The following SLCO5A1 variants were observed in gnomAD, a reference collection of about 807,000 sequenced individuals.
SLCO5A1 encodes organic anion transporter polypeptide-related protein 4.
A neutral mutation model predicts 65.1 loss-of-function variants in SLCO5A1; 39 were observed. That is an observed-to-expected ratio of 0.60 (90% CI 0.46 to 0.78). The LOEUF is 0.78. Ranked by LOEUF, SLCO5A1 falls within the 30% of genes least tolerant of loss-of-function variation. The probability of loss-of-function intolerance (pLI) is 0.00; values close to 1 mark genes in which losing one functional copy is unlikely to be tolerated. For missense variants in SLCO5A1, 1,029 were observed against 1,069.4 expected, an observed-to-expected ratio of 0.96 and a Z score of 0.53; for synonymous variants, 438 against 415.7, an observed-to-expected ratio of 1.05 and a Z score of -0.65.
At chr8:69,811,354 T>C (rs1263834471) in intron 2 of SLCO5A1, among the ~76,000 whole-genome samples, 1 of 152,206 alleles carries the variant, frequency 6.6e-6, no homozygotes. Context: ...GAGGAAGCTA[T>C]TTATAACCTG....
At position 69,673,077 on chromosome 8, in the gene SLCO5A1, AC is replaced by A. The variant is rs1813396838; in HGVS notation, c.2338del (p.Val780Ter). ...GTCGGGGTGTCCCACTCTCTCACTC[AC>A]GGTGCTCAGGGGAAATTCTCTCTGC... is the stretch of plus-strand genomic sequence containing the variant. ...RRQREFPLST[V>X]SERVGHPDNA... is the part of the protein sequence containing the mutation. On this transcript the variant is annotated frameshift_variant, in exon 10 of 10. Transcript: ENST00000260126. LOFTEE classifies it high-confidence loss of function. 1 of 1,614,038 alleles carries A rather than the reference AC, an allele frequency of 6.2e-7. No homozygotes were observed. Among genetic ancestry groups the A allele is most frequent in the Non-Finnish European group, 8.5e-7 (1 of 1,180,048 alleles).
At chr8:69,754,245 G>A (rs1244751245) in intron 4 of SLCO5A1, among the ~76,000 whole-genome samples, 1 of 152,088 alleles carries the variant, frequency 6.6e-6, no homozygotes, top group Non-Finnish European at 1.5e-5. Context: ...TTCCAAAAGT[G>A]CACACTGTCA....
chr8:69,677,350 A>G (rs1040869632), intron 8 of SLCO5A1, among the ~76,000 whole-genome samples: 1 of 152,220 alleles, frequency 6.6e-6, no homozygotes, highest in African/African-American at 2.4e-5. Context: ...TTAGAAGCCA[A>G]CTGGCGATTT....
At chr8:69,705,312 T>A in intron 5 of SLCO5A1, 83 bp from the exon 6 acceptor site, 1 of 1,360,578 alleles carries the variant, frequency 7.3e-7, no homozygotes, top group Non-Finnish European at 1.0e-6. Context: ...TGCTCAGTAG[T>A]ACTGAGGTAA....
intron 5 of SLCO5A1, among the ~76,000 whole-genome samples, chr8:69,711,686 G>A (rs1174596717): frequency 6.6e-6 from 1 of 152,204 alleles, no homozygotes; most frequent in Non-Finnish European, 1.5e-5. Context: ...CTTACAAGCT[G>A]CATGTCTTCA....
chr8:69,742,541 T>C (rs1816829463), intron 4 of SLCO5A1, among the ~76,000 whole-genome samples: 1 of 152,178 alleles, frequency 6.6e-6, no homozygotes, highest in African/African-American at 2.4e-5. Flanking sequence ...TTCAAGAGGT[T>C]ATAATTTAAG....
At position 69,831,742 on chromosome 8, in the gene SLCO5A1, A is replaced by G. The variant is rs762798257; in HGVS notation, c.907+25T>C. 13 of 1,595,198 alleles carry G rather than the reference A, an allele frequency of 8.1e-6. No homozygotes were observed. In the South Asian group the frequency reaches 1.3e-4, roughly 15 times the overall value. On this transcript the variant is annotated intron_variant, in intron 2 of 9. Coordinates refer to ENST00000260126, the MANE Select transcript of SLCO5A1 (RefSeq NM_030958.3). ...GTAAGTTTCAGTGTGAGTGAAACATATCTGAGAGAACAGGAAAGTCTTACC... is the reference window on the plus strand; with the variant it reads ...GTAAGTTTCAGTGTGAGTGAAACATGTCTGAGAGAACAGGAAAGTCTTACC...
chr8:69,679,407 G>C lies in SLCO5A1; in HGVS notation c.1995C>G (p.Ala665=). 1 of 1,614,164 alleles carries C rather than the reference G, an allele frequency of 6.2e-7. No homozygotes were observed. The highest frequency in any genetic ancestry group is 8.5e-7 in the Non-Finnish European group (1 of 1,180,038). ...GTGTTACTATGATAGCTGATGGTTG[G>C]GCACATGCTGTGATGAAGGTGACTA... ...LFIVTFITAC[A]QPSAIIVTLR... The change falls in exon 8 of 10, where the codon GCC becomes GCG. Residue 665 remains alanine, a synonymous_variant. Transcript: ENST00000260126.
intron 2 of SLCO5A1, among the ~76,000 whole-genome samples, chr8:69,827,798 A>G (rs1246022907): frequency 6.6e-6 from 1 of 152,234 alleles, no homozygotes; most frequent in Non-Finnish European, 1.5e-5. Flanking sequence ...TAAGGATATA[A>G]TAGTCTCTAA....
intron 5 of SLCO5A1, among the ~76,000 whole-genome samples, chr8:69,720,323 C>T (rs1046790277): frequency 2.0e-5 from 3 of 152,334 alleles, no homozygotes; most frequent in African/African-American, 7.2e-5. Flanking sequence ...CAACCACGGG[C>T]TTCTTTAATG....
chr8:69,729,183 G>T (rs1816222669), intron 5 of SLCO5A1, among the ~76,000 whole-genome samples: 1 of 152,128 alleles, frequency 6.6e-6, no homozygotes, highest in African/African-American at 2.4e-5. Context: ...AGTGGCTCAC[G>T]CCTGTAATCC....
intron 4 of SLCO5A1, among the ~76,000 whole-genome samples, chr8:69,740,763 G>A (rs1437297078): frequency 6.6e-6 from 1 of 152,184 alleles, no homozygotes; most frequent in Non-Finnish European, 1.5e-5. Context: ...CTCATGGAAT[G>A]GTGAGGACAT....
chr8:69,787,190 T>C (rs912144215), intron 2 of SLCO5A1, among the ~76,000 whole-genome samples: 3 of 152,232 alleles, frequency 2.0e-5, no homozygotes, highest in Non-Finnish European at 4.4e-5. Flanking sequence ...AGTAACTTTA[T>C]TCTTTCCAAC....
At chr8:69,729,057 A>G (rs1231974295) in intron 5 of SLCO5A1, among the ~76,000 whole-genome samples, 1 of 152,154 alleles carries the variant, frequency 6.6e-6, no homozygotes. Flanking sequence ...CATGACAGAA[A>G]CCACAAAGAC....
At chr8:69,783,246 C>T (rs888356208) in intron 2 of SLCO5A1, among the ~76,000 whole-genome samples, 3 of 152,050 alleles carry the variant, frequency 2.0e-5, no homozygotes, top group Non-Finnish European at 4.4e-5. Flanking sequence ...ATAAGACCTA[C>T]TATTTGATAG....
At chr8:69,818,548 C>T (rs1358805190) in intron 2 of SLCO5A1, among the ~76,000 whole-genome samples, 2 of 152,170 alleles carry the variant, frequency 1.3e-5, no homozygotes, top group Non-Finnish European at 2.9e-5. Context: ...CAATAAAACC[C>T]TATTTGAAAA....
intron 6 of SLCO5A1, among the ~76,000 whole-genome samples, chr8:69,696,513 T>A (rs762623530): frequency 6.6e-6 from 1 of 152,216 alleles, no homozygotes; most frequent in Non-Finnish European, 1.5e-5. Flanking sequence ...CATTTATCCG[T>A]TGCCTCCCAT....
chr8:69,694,232 T>C (rs1347657075), intron 6 of SLCO5A1, among the ~76,000 whole-genome samples: 1 of 152,202 alleles, frequency 6.6e-6, no homozygotes, highest in Non-Finnish European at 1.5e-5. Flanking sequence ...ATCATCTAGA[T>C]CTGATTCAGC....
rs60718726 is a variant in SLCO5A1 at position 69,763,894 on chromosome 8, A to T, written c.908-2019T>A. Among the ~76,000 whole-genome samples, 158 of 151,412 alleles carry T rather than the reference A, an allele frequency of 1.0e-3. 3 individuals are homozygous for T. In the East Asian group the frequency reaches 0.03, roughly 29 times the overall value. On this transcript the variant is annotated intron_variant, in intron 2 of 9. Transcript: ENST00000260126. ...ATAAACACTTTTTTTTTTGAGACGG[A>T]TTCTCTGTCGCCCAGGCTGGAGTAC...
Sources: allele counts gnomAD v4.1 joint callset (sites outside exome capture counted in the v4.1 genomes callset), GRCh38; gene constraint gnomAD v4.1.1; transcripts MANE v1.5; gene names NCBI Gene and HGNC (gene_info 2026-07-23, HGNC 2026-07-21).